The following NOL9 variants were observed in gnomAD, a reference collection of about 807,000 sequenced individuals.
NOL9 encodes nucleolar protein 9, also known as polynucleotide 5'-hydroxyl-kinase NOL9.
A neutral mutation model predicts 67.9 loss-of-function variants in NOL9; 28 were observed. That is an observed-to-expected ratio of 0.41 (90% CI 0.31 to 0.57). The LOEUF (loss-of-function observed/expected upper bound fraction) is 0.57, where lower values mean the gene tolerates loss of function less well. NOL9 is among the 20% of genes least tolerant of loss of function. The pLI, the probability that NOL9 is intolerant of heterozygous loss-of-function variation, is 0.25. For missense variants in NOL9, 777 were observed against 897.0 expected (o/e 0.87, Z 1.71); for synonymous variants, 356 against 352.2 (o/e 1.01, Z -0.12).
At chr1:6,548,431 G>A (rs1171692353) in intron 3 of NOL9, 1 of 223,010 alleles carries the variant, frequency 4.5e-6, no homozygotes, top group East Asian at 1.1e-4. Context: ...ACAGGCGTGA[G>A]CCACCACGCC....
At chr1:6,540,472 C>G (rs1318542003) in intron 6 of NOL9, among the ~76,000 whole-genome samples, 2 of 151,992 alleles carry the variant, frequency 1.3e-5, no homozygotes. Context: ...GACAAAAAAC[C>G]ACACCCGACT....
intron 5 of NOL9, 25 bp downstream of exon 5, chr1:6,544,801 A>G (rs771167164): frequency 1.9e-6 from 3 of 1,612,510 alleles, no homozygotes; most frequent in South Asian, 2.2e-5. Flanking sequence ...GCAATGTGTC[A>G]AAGCCATAAG....
chr1:6,554,117 G>A lies in NOL9; in HGVS notation c.386C>T (p.Pro129Leu). 1 of 1,527,766 alleles carries A rather than the reference G, an allele frequency of 6.5e-7. No individual in the cohort carries two copies. Among genetic ancestry groups the A allele is most frequent in the Non-Finnish European group, 8.8e-7 (1 of 1,137,076 alleles). The allele number at this position is 1,527,766 out of a possible 1,614,324, so 94.6% of individuals were successfully genotyped here. ...VGPGRALLLLPVEQGFTFSGI... is the reference protein window; with the variant it reads ...VGPGRALLLLLVEQGFTFSGI... ...GCGCCCCCCACCTACCTGCTCGACC[G>A]GCAGCAGCAGCAACGCGCGGCCGGG... Residue 129 changes from proline (P) to leucine (L), a missense_variant, in exon 1 of 12, where the codon CCG becomes CTG. Physicochemically the swap from Pro to Leu is moderately conservative, Grantham distance 98. Coordinates refer to ENST00000377705, the MANE Select transcript of NOL9 (RefSeq NM_024654.5).
chr1:6,544,256 C>T (rs1201675893), intron 5 of NOL9, among the ~76,000 whole-genome samples: 2 of 151,364 alleles, frequency 1.3e-5, no homozygotes, highest in Non-Finnish European at 2.9e-5. Context: ...ACACTTTTTG[C>T]TGGGCAACAC....
intron 3 of NOL9, among the ~76,000 whole-genome samples, chr1:6,545,399 G>A (rs1639396939): frequency 6.6e-6 from 1 of 152,114 alleles, no homozygotes; most frequent in South Asian, 2.1e-4. Flanking sequence ...AGCCTTCACT[G>A]CCTCCGCAGG....
chr1:6,526,620 C>T, intron 11 of NOL9, 76 bp downstream of exon 11: 2 of 1,448,800 alleles, frequency 1.4e-6, no homozygotes, highest in Non-Finnish European at 1.9e-6. Context: ...CCCATGACCC[C>T]TGACCCTACT....
intron 2 of NOL9, among the ~76,000 whole-genome samples, 154 bp downstream of exon 2, chr1:6,550,242 A>C (rs1009452206): frequency 2.6e-5 from 4 of 152,162 alleles, no homozygotes; most frequent in African/African-American, 9.7e-5. Context: ...CATCTTAGCC[A>C]GGATGGTCTC....
rs1319232426 is a variant in NOL9, at chr1:6,554,481, G to A, written c.22C>T (p.Leu8=). 1.3e-6 allele frequency: 2 copies of A among 1,544,628 alleles called. No individual in the cohort carries two copies. The highest frequency in any genetic ancestry group is 1.9e-5 in the Admixed American group (1 of 51,928). The stretch of plus-strand genomic sequence containing the variant: ...GTGGAACGGCAGGAACCCCGCTTTA[G>A]CAGCAGTCCCGAGTCCGCCATGCTG... MADSGLL[L]KRGSCRSTWL... is the part of the protein sequence containing the mutation. The change falls in exon 1 of 12, where the codon CTA becomes TTA. Residue 8 remains leucine, a synonymous_variant. Transcript: ENST00000377705.
chr1:6,525,907 C>T lies in NOL9; in HGVS notation c.2056G>A (p.Ala686Thr), dbSNP rs1238270398. 1.2e-6 allele frequency: 2 copies of T among 1,614,144 alleles called. No individual in the cohort carries two copies. Among genetic ancestry groups the T allele is most frequent in the Admixed American group, 3.3e-5 (2 of 60,004 alleles). ...CTTCGGTATGGTTTCTCTTTATGTGCCTCCTCAGGTTCTCTTGCTCCAATT... is the reference window on the plus strand; with the variant it reads ...CTTCGGTATGGTTTCTCTTTATGTGTCTCCTCAGGTTCTCTTGCTCCAATT... ...EKIGAREPEE[A>T]HKEKPYRRPK... Residue 686 changes from alanine to threonine, a missense_variant, in exon 12 of 12, where the codon GCA becomes ACA. Coordinates refer to ENST00000377705, the MANE Select transcript of NOL9 (RefSeq NM_024654.5).
chr1:6,554,092 G>A lies in NOL9; in HGVS notation c.396+15C>T. On this transcript the variant is annotated intron_variant, in intron 1 of 11. Coordinates refer to ENST00000377705, the MANE Select transcript of NOL9 (RefSeq NM_024654.5). ...TCCCTGCCCTCGGGGACTACTACCG[G>A]CGCCCCCCACCTACCTGCTCGACCG... 1 of 1,512,944 alleles carries A rather than the reference G, an allele frequency of 6.6e-7. No individual in the cohort carries two copies. The highest frequency in any genetic ancestry group is 8.8e-7 in the Non-Finnish European group (1 of 1,130,172). The allele number at this position is 1,512,944 out of a possible 1,614,324, so 93.7% of individuals were successfully genotyped here. A position where few individuals can be genotyped will look rare whatever the true frequency, so the allele number is the denominator to read the frequency against.
chr1:6,528,364 T>C (rs913855050), intron 10 of NOL9, among the ~76,000 whole-genome samples: 13 of 152,198 alleles, frequency 8.5e-5, no homozygotes, highest in Non-Finnish European at 1.8e-4. Flanking sequence ...TTTCAGTAGA[T>C]GCCGGTGGCT....
chr1:6,539,729 C>A (rs571241133), intron 6 of NOL9, among the ~76,000 whole-genome samples: 10 of 152,292 alleles, frequency 6.6e-5, no homozygotes, highest in African/African-American at 2.4e-4. Flanking sequence ...AGCAATCTGC[C>A]GGCCTTGGCC....
chr1:6,530,964 G>A (rs1366910173), intron 9 of NOL9, among the ~76,000 whole-genome samples: 2 of 152,196 alleles, frequency 1.3e-5, no homozygotes, highest in Non-Finnish European at 2.9e-5. Context: ...CCCTGGCCTT[G>A]CTTTTACCAT....
chr1:6,544,277 G>A (rs1024844424), intron 5 of NOL9, among the ~76,000 whole-genome samples: 4 of 150,318 alleles, frequency 2.7e-5, no homozygotes, highest in African/African-American at 7.4e-5. Context: ...AGTCAGACCC[G>A]GTCTCAAAAA....
rs527471042 is a variant in NOL9 at position 6,547,536 on chromosome 1, C to G, written c.744+2035G>C. 2.3e-4 allele frequency among the ~76,000 whole-genome samples: 35 copies of G among 150,706 alleles called. 2 individuals carry two copies. The South Asian group carries it at 7.4e-3, about 32-fold the overall frequency. ...GGAAATGGAAAAAAAAAAAAAAGAA[C>G]TTAAGGAAATGAATAATACGGTCAG... On this transcript the variant is annotated intron_variant, in intron 3 of 11. Coordinates refer to ENST00000377705, the MANE Select transcript of NOL9 (RefSeq NM_024654.5).
Position 6,525,638 on chromosome 1 carries a change from A to G in NOL9, c.*216T>C. 3.5e-6 allele frequency: 2 copies of G among 577,906 alleles called. No individual in the cohort carries two copies. Among genetic ancestry groups the G allele is most frequent in the Non-Finnish European group, 6.1e-6 (2 of 325,556 alleles). 35.8% of individuals were successfully genotyped at this position (577,906 alleles called of 1,614,324 possible). A position where few individuals can be genotyped will look rare whatever the true frequency, so the allele number is the denominator to read the frequency against. ...GTTTTACTCCCTCTGGACAGCAAGT[A>G]TGAGTATCACACAGAAGACTAGAAC... On this transcript the variant is annotated 3_prime_UTR_variant, in exon 12 of 12. Coordinates refer to ENST00000377705, the MANE Select transcript of NOL9 (RefSeq NM_024654.5).
chr1:6,551,210 C>T (rs1382266438), intron 1 of NOL9, among the ~76,000 whole-genome samples: 1 of 151,968 alleles, frequency 6.6e-6, no homozygotes, highest in African/African-American at 2.4e-5. Context: ...ACTTGGGAGG[C>T]TGAGGTGGGT....
At position 6,541,347 on chromosome 1, in the gene NOL9, A is replaced by G. The variant is rs529693715; in HGVS notation, c.1075+483T>C. ...CAGGCGTGCACCACCATGCCCAGCT[A>G]ATTTTTGTATTTGTAGTAGAGATGG... On this transcript the variant is annotated intron_variant, in intron 6 of 11. Transcript: ENST00000377705. Among the ~76,000 whole-genome samples, 6 of 152,146 alleles carry G rather than the reference A, an allele frequency of 3.9e-5. 1 individual carries two copies. The South Asian group carries it at 1.2e-3, about 32-fold the overall frequency.
At chr1:6,538,743 G>A (rs1333315361) in intron 6 of NOL9, among the ~76,000 whole-genome samples, 1 of 151,952 alleles carries the variant, frequency 6.6e-6, no homozygotes, top group African/African-American at 2.4e-5. Context: ...AGCATTTTGG[G>A]ATGCTGAGGC....
Sources: allele counts gnomAD v4.1 joint callset (sites outside exome capture counted in the v4.1 genomes callset), GRCh38; gene constraint gnomAD v4.1.1; transcripts MANE v1.5; gene names NCBI Gene and HGNC (gene_info 2026-07-23, HGNC 2026-07-21).